The following TBC1D20 variants were observed in gnomAD, a reference collection of about 807,000 sequenced individuals.
The protein encoded by TBC1D20 is chromosome 20 open reading frame 140.
In TBC1D20, 12 loss-of-function variants were observed where a neutral mutation model predicts 41.6. The observed-to-expected ratio is 0.29, with a 90% CI of 0.18 to 0.47. TBC1D20 has a LOEUF of 0.47. TBC1D20 is among the 20% of genes least tolerant of loss of function. The probability of loss-of-function intolerance (pLI) is 1.00; values close to 1 mark genes in which losing one functional copy is unlikely to be tolerated. For missense variants in TBC1D20, 421 were observed against 517.4 expected (o/e 0.81, Z 1.81); for synonymous variants, 205 against 204.8 (o/e 1.00, Z -0.01).
At chr20:446,943 ATTTTT>A (rs35489596) in intron 2 of TBC1D20, among the ~76,000 whole-genome samples, 43 of 75,910 alleles carry the variant, frequency 5.7e-4, no homozygotes, top group East Asian at 3.1e-3. Context: ...CAAAATACGC[ATTTTT>A]TTTTTTTTTT....
Position 438,452 on chromosome 20 carries a change from C to G in TBC1D20, c.*134G>C, listed in dbSNP as rs939662400. 1 of 1,073,940 alleles carries G rather than the reference C, an allele frequency of 9.3e-7. No homozygotes were observed. The highest frequency in any genetic ancestry group is 2.4e-5 in the East Asian group (1 of 41,938). The allele number at this position is 1,073,940 out of a possible 1,614,324, so 66.5% of individuals were successfully genotyped here. Reference sequence around the variant, plus strand: ...CCTCTGAAGTAAAGGCAAACACAAACGGGCAGGGCAGGGTGGCAGGAATAA... The same window carrying G: ...CCTCTGAAGTAAAGGCAAACACAAAGGGGCAGGGCAGGGTGGCAGGAATAA... On this transcript the variant is annotated 3_prime_UTR_variant, in exon 8 of 8. Transcript: ENST00000354200.
intron 1 of TBC1D20, among the ~76,000 whole-genome samples, chr20:449,796 T>G: frequency 6.6e-6 from 1 of 152,174 alleles, no homozygotes; most frequent in African/African-American, 2.4e-5. Context: ...CTCCTCACTC[T>G]GAAACAACAT....
At chr20:462,150 C>A (rs1459583425) in intron 1 of TBC1D20, among the ~76,000 whole-genome samples, 186 bp downstream of exon 1, 1 of 152,120 alleles carries the variant, frequency 6.6e-6, no homozygotes, top group Admixed American at 6.5e-5. Flanking sequence ...CCCGAGCCCC[C>A]CCAGTTCCAG....
chr20:441,762 C>T, intron 4 of TBC1D20, 73 bp from the exon 5 acceptor site: 1 of 1,596,008 alleles, frequency 6.3e-7, no homozygotes, highest in Non-Finnish European at 8.6e-7. Context: ...AGGGCTCAAA[C>T]TCCTAAAAAA....
intron 3 of TBC1D20, among the ~76,000 whole-genome samples, chr20:443,010 G>A (rs955188725): frequency 6.6e-6 from 1 of 152,142 alleles, no homozygotes; most frequent in Non-Finnish European, 1.5e-5. Context: ...TGAGGCAGGA[G>A]AATGGCATGA....
chr20:449,171 T>TTTTTA (rs2017395399), intron 1 of TBC1D20, among the ~76,000 whole-genome samples: 1 of 134,746 alleles, frequency 7.4e-6, no homozygotes, highest in African/African-American at 2.8e-5. Context: ...TTTTTTTTTT[T>TTTTTA]GAGAAGGACT....
intron 1 of TBC1D20, among the ~76,000 whole-genome samples, chr20:451,973 C>A (rs2017450306): frequency 6.6e-6 from 1 of 151,994 alleles, no homozygotes; most frequent in South Asian, 2.1e-4. Context: ...TTTTATTTTT[C>A]TTTCACTGTA....
intron 2 of TBC1D20, among the ~76,000 whole-genome samples, chr20:446,552 G>A (rs1394213355): frequency 6.6e-6 from 1 of 152,074 alleles, no homozygotes; most frequent in Non-Finnish European, 1.5e-5. Flanking sequence ...TGTTGGCCGG[G>A]CTGGTCTCGA....
chr20:454,274 C>T (rs1281019016), intron 1 of TBC1D20, among the ~76,000 whole-genome samples: 1 of 138,256 alleles, frequency 7.2e-6, no homozygotes, highest in African/African-American at 2.7e-5. Context: ...CATGGATTCA[C>T]CTGCTTATAC....
chr20:462,494 T>C lies in TBC1D20; in HGVS notation c.-89A>G, dbSNP rs1358753851. 2.7e-6 allele frequency: 2 copies of C among 749,798 alleles called. No individual in the cohort carries two copies. The highest frequency in any genetic ancestry group is 3.5e-6 in the Non-Finnish European group (2 of 575,084). The allele number at this position is 749,798 out of a possible 1,614,324, so 46.4% of individuals were successfully genotyped here. On this transcript the variant is annotated 5_prime_UTR_variant, in exon 1 of 8. Transcript: ENST00000354200. ...TCCGACCGCGGGACGTAGCACCCGC[T>C]CGGCATCGGCAGGCTCCCCTCCGTC...
intron 5 of TBC1D20, 43 bp downstream of exon 5, chr20:441,545 G>A: frequency 6.7e-7 from 1 of 1,497,742 alleles, no homozygotes; most frequent in Non-Finnish European, 9.3e-7. Context: ...GGGGGGTGTG[G>A]GCGTGTGTAT....
At chr20:451,337 G>C (rs1251779855) in intron 1 of TBC1D20, among the ~76,000 whole-genome samples, 3 of 152,144 alleles carry the variant, frequency 2.0e-5, no homozygotes, top group African/African-American at 7.2e-5. Context: ...CTGAGGTCAG[G>C]AGTTCGAGAC....
intron 2 of TBC1D20, among the ~76,000 whole-genome samples, chr20:446,890 C>T (rs970064144): frequency 4.0e-5 from 6 of 151,742 alleles, no homozygotes; most frequent in African/African-American, 1.2e-4. Context: ...CCTCAGCCTC[C>T]GAAAGTGCTG....
At chr20:457,026 T>C (rs2017553016) in intron 1 of TBC1D20, among the ~76,000 whole-genome samples, 1 of 143,316 alleles carries the variant, frequency 7.0e-6, no homozygotes, top group Non-Finnish European at 1.5e-5. Flanking sequence ...AACCTCCACC[T>C]CCCAGGTTCA....
intron 1 of TBC1D20, among the ~76,000 whole-genome samples, chr20:461,025 A>G (rs1048424991): frequency 6.6e-6 from 1 of 152,230 alleles, no homozygotes; most frequent in Non-Finnish European, 1.5e-5. Flanking sequence ...GTATCAGAAC[A>G]TAAGAAAAAG....
At position 462,319 on chromosome 20, in the gene TBC1D20, C is replaced by G; in HGVS notation, c.70+17G>C. The G allele has an allele frequency of 6.2e-6, 8 of 1,285,506 alleles. No individual in the cohort carries two copies. Among genetic ancestry groups the G allele is most frequent in the Admixed American group, 6.0e-5 (2 of 33,060 alleles). 79.6% of individuals were successfully genotyped at this position (1,285,506 alleles called of 1,614,324 possible). On this transcript the variant is annotated intron_variant, in intron 1 of 7. Coordinates refer to ENST00000354200, the MANE Select transcript of TBC1D20 (RefSeq NM_144628.4). ...GCCCTCGCAGGCCGCTCCCGGCGCC[C>G]CGGTCGGCTTCCGTACCTGCCTTCT...
intron 1 of TBC1D20, among the ~76,000 whole-genome samples, chr20:449,727 C>A (rs568881978): frequency 6.6e-6 from 1 of 152,348 alleles, no homozygotes; most frequent in South Asian, 2.1e-4. Context: ...TGGACTGACA[C>A]CCTCTTGTCA....
chr20:440,637 A>C, intron 5 of TBC1D20: 2 of 416,358 alleles, frequency 4.8e-6, no homozygotes, highest in Non-Finnish European at 4.3e-6. Context: ...TGGCCAACAA[A>C]TGTCAACTAC....
chr20:448,761 G>A (rs1233544720), intron 1 of TBC1D20, among the ~76,000 whole-genome samples: 4 of 149,562 alleles, frequency 2.7e-5, no homozygotes, highest in Admixed American at 6.7e-5. Flanking sequence ...AGGCAAAACC[G>A]ATCCTCCCAC....
Sources: gnomAD v4.1 joint callset for allele counts (sites outside exome capture counted in the v4.1 genomes callset) on GRCh38, gnomAD v4.1.1 for gene constraint, MANE v1.5 for transcripts, NCBI Gene and HGNC (gene_info 2026-07-23, HGNC 2026-07-21) for gene names.